FAXDC2: variants seen among roughly 807,000 people sequenced by gnomAD.
FAXDC2 encodes the protein fatty acid hydroxylase domain-containing protein 2.
A neutral mutation model predicts 40.9 loss-of-function variants in FAXDC2; 41 were observed. The ratio of observed to expected loss-of-function variants is 1.00; its 90% CI spans 0.78 to 1.30. The LOEUF is 1.30. Among genes scored for constraint, FAXDC2 ranks in the 50% most tolerant of loss-of-function variants. FAXDC2 has a pLI of 0.00. For missense variants in FAXDC2, 390 were observed against 408.8 expected, an observed-to-expected ratio of 0.95 and a Z score of 0.40; for synonymous variants, 157 against 149.3, an observed-to-expected ratio of 1.05 and a Z score of -0.38.
rs372346950 is a variant in FAXDC2, at chr5:154,829,573, A to G, written c.366+1228T>C. ...TGAACCTCAGCTTCTGCAGAATGCA[A>G]TGACATCTTCCAATGTAGCTCTGTA... On this transcript the variant is annotated intron_variant, in intron 5 of 8. Coordinates refer to ENST00000326080, the MANE Select transcript of FAXDC2 (RefSeq NM_032385.5). The G allele has an allele frequency of 2.7e-4, 41 of 154,536 alleles. No homozygotes were observed. In the Middle Eastern group the frequency reaches 8.3e-3, roughly 31 times the overall value. The allele number at this position is 154,536 out of a possible 1,614,324, so 9.6% of individuals were successfully genotyped here.
intron 5 of FAXDC2, among the ~76,000 whole-genome samples, chr5:154,827,506 T>A (rs1444871249): frequency 6.6e-6 from 1 of 150,892 alleles, no homozygotes; most frequent in East Asian, 2.0e-4. Context: ...TCACCCAGGC[T>A]GGAGTGCACT....
chr5:154,823,391 G>A lies in FAXDC2; in HGVS notation c.568C>T (p.His190Tyr). 6.2e-7 allele frequency: 1 copy of A among 1,613,288 alleles called. No individual in the cohort carries two copies. The highest frequency in any genetic ancestry group is 8.5e-7 in the Non-Finnish European group (1 of 1,179,952). Reference sequence around the variant, plus strand: ...CCTCAGGCAGGGCCTGCTCACCGGTGTGAATAGTAGAACAAGACTTCCTCG... The same window carrying A: ...CCTCAGGCAGGGCCTGCTCACCGGTATGAATAGTAGAACAAGACTTCCTCG... The part of the protein sequence containing the change: ...LIEEVLFYYS[H>Y]RLLHHPTFYK... Residue 190 changes from histidine to tyrosine, a missense_variant, in exon 6 of 9, where the codon CAC becomes TAC. Transcript: ENST00000326080.
At chr5:154,821,154 C>G in intron 8 of FAXDC2, 106 bp downstream of exon 8, 1 of 942,722 alleles carries the variant, frequency 1.1e-6, no homozygotes. Flanking sequence ...TCTTCCCCAA[C>G]TAGCACTCAC....
intron 1 of FAXDC2, 149 bp downstream of exon 1, chr5:154,850,334 T>C (rs1300236969): frequency 6.6e-6 from 1 of 152,220 alleles, no homozygotes; most frequent in African/African-American, 2.4e-5. Flanking sequence ...CATCTAACCC[T>C]GTTTAGAGGC....
intron 1 of FAXDC2, among the ~76,000 whole-genome samples, chr5:154,849,166 GCTA>G (rs1175193096): frequency 1.3e-5 from 2 of 151,944 alleles, no homozygotes; most frequent in Admixed American, 1.3e-4. Flanking sequence ...TGTAATCCCA[GCTA>G]CTTGGGGGGC....
intron 4 of FAXDC2, among the ~76,000 whole-genome samples, chr5:154,832,065 T>A (rs1279285310): frequency 6.6e-6 from 1 of 152,196 alleles, no homozygotes; most frequent in Non-Finnish European, 1.5e-5. Flanking sequence ...ATCTCATAAG[T>A]ACAACTATAT....
chr5:154,845,703 A>T (rs144462263), intron 1 of FAXDC2, among the ~76,000 whole-genome samples: 1 of 152,060 alleles, frequency 6.6e-6, no homozygotes, highest in Non-Finnish European at 1.5e-5. Flanking sequence ...GTTGTATTAG[A>T]GCTCATCTAT....
Position 154,838,057 on chromosome 5 carries a change from A to G in FAXDC2, c.48+74T>C, listed in dbSNP as rs1760394920. On this transcript the variant is annotated intron_variant, in intron 2 of 8. Transcript: ENST00000326080. ...AAACCTTGGGGGAGATGTTGGATGC[A>G]TAGCAAGTGCAGCTATGGCAAAGAG... The G allele has an allele frequency of 8.2e-6, 8 of 975,774 alleles. No individual in the cohort carries two copies. The Admixed American group carries it at 9.2e-5, about 11-fold the overall frequency. 60.4% of individuals were successfully genotyped at this position (975,774 alleles called of 1,614,324 possible).
At chr5:154,833,040 T>A (rs533162031) in intron 4 of FAXDC2, among the ~76,000 whole-genome samples, 4 of 151,928 alleles carry the variant, frequency 2.6e-5, no homozygotes, top group South Asian at 2.1e-4. Context: ...TTTAAATACT[T>A]CTTTTTTTTT....
rs910996004 is a variant in FAXDC2, at chr5:154,819,033, T to C, written c.*1283A>G. The C allele has an allele frequency of 6.6e-6, 1 of 152,204 alleles. No homozygotes were observed. The highest frequency in any genetic ancestry group is 2.4e-5 in the African/African-American group (1 of 41,430). The allele number at this position is 152,204 out of a possible 1,614,324, so 9.4% of individuals were successfully genotyped here. ...AAGTCCTCTGGGGTTCTAGAGCTGA[T>C]AGGAAGAAGGAGTCCATTTTGATAG... On this transcript the variant is annotated 3_prime_UTR_variant, in exon 9 of 9. Transcript: ENST00000326080.
chr5:154,848,655 G>A (rs1760664333), intron 1 of FAXDC2, among the ~76,000 whole-genome samples: 1 of 152,110 alleles, frequency 6.6e-6, no homozygotes, highest in Admixed American at 6.6e-5. Flanking sequence ...AAGATAGAGT[G>A]GCCGATATTC....
At chr5:154,822,192 A>C in intron 7 of FAXDC2, 1 of 324,254 alleles carries the variant, frequency 3.1e-6, no homozygotes, top group East Asian at 6.1e-5. Flanking sequence ...CAGGGGTTGG[A>C]GGCTGCAGTG....
chr5:154,840,852 A>T (rs1760461334), intron 1 of FAXDC2, among the ~76,000 whole-genome samples: 1 of 152,168 alleles, frequency 6.6e-6, no homozygotes, highest in Non-Finnish European at 1.5e-5. Flanking sequence ...TGCCCAGCCC[A>T]CATTTTTTAC....
chr5:154,825,058 TAAAAAAA>T lies in FAXDC2; in HGVS notation c.367-1473_367-1467del, dbSNP rs70981952. 3.3e-5 allele frequency among the ~76,000 whole-genome samples: 3 copies of T among 90,164 alleles called. No individual in the cohort carries two copies. The South Asian group carries it at 1.5e-3, about 44-fold the overall frequency. The allele number at this position is 90,164 out of a possible 152,430, so 59.2% of individuals were successfully genotyped here. A position where few individuals can be genotyped will look rare whatever the true frequency, so the allele number is the denominator to read the frequency against. ...GTGAGAGAGTGAGACCCAATCTTGT[TAAAAAAA>T]AAAAAAAAAAAAAAAAGGGCCAGTC... On this transcript the variant is annotated intron_variant, in intron 5 of 8. Coordinates refer to ENST00000326080, the MANE Select transcript of FAXDC2 (RefSeq NM_032385.5).
chr5:154,843,823 T>C (rs756834070), intron 1 of FAXDC2, among the ~76,000 whole-genome samples: 5 of 152,230 alleles, frequency 3.3e-5, no homozygotes, highest in Admixed American at 6.5e-5. Context: ...TAGATGATGA[T>C]TCCAATAAAG....
intron 1 of FAXDC2, among the ~76,000 whole-genome samples, chr5:154,846,745 A>G (rs987306868): frequency 6.6e-6 from 1 of 151,960 alleles, no homozygotes; most frequent in Admixed American, 6.6e-5. Flanking sequence ...TTGATATTCT[A>G]TTGTGAGTTT....
intron 5 of FAXDC2, among the ~76,000 whole-genome samples, chr5:154,825,650 C>CAAAAAAAAAAAAAAAAAAAAAA (rs386358555): frequency 0.016 from 481 of 30,100 alleles, 182 homozygotes; most frequent in South Asian, 0.028. Flanking sequence ...GACTCCGTCT[C>CAAAAAAAAAAAAAAAAAAAAAA]AAAAAAAAAA....
intron 5 of FAXDC2, among the ~76,000 whole-genome samples, chr5:154,828,572 ACT>A (rs1760101815): frequency 6.9e-6 from 1 of 144,404 alleles, no homozygotes; most frequent in Admixed American, 7.0e-5. Context: ...CATCTATAAA[ACT>A]CTTCTGCTTG....
intron 5 of FAXDC2, among the ~76,000 whole-genome samples, chr5:154,828,608 C>A (rs143907733): frequency 1.7e-3 from 255 of 147,292 alleles, no homozygotes; most frequent in African/African-American, 5.8e-3. Context: ...TTTTTTTTTT[C>A]CCCCTAGAGA....
Sources: allele counts gnomAD v4.1 joint callset (sites outside exome capture counted in the v4.1 genomes callset), GRCh38; gene constraint gnomAD v4.1.1; transcripts MANE v1.5; gene names NCBI Gene and HGNC (gene_info 2026-07-23, HGNC 2026-07-21).